The following POLN variants were observed in gnomAD, a reference collection of about 807,000 sequenced individuals.
POLN encodes DNA polymerase nu, also known as DNA polymerase N.
POLN carries 108 observed loss-of-function variants against 113.5 expected under a neutral mutation model. The observed-to-expected ratio is 0.95, with a 90% CI of 0.81 to 1.12. The LOEUF is 1.12. Among genes scored for constraint, POLN ranks in the 50% most tolerant of loss-of-function variants. POLN has a pLI of 0.00. For synonymous variants in POLN, 386 were observed against 391.5 expected (o/e 0.99, Z 0.17); for missense variants, 1,097 against 1,077.1 (o/e 1.02, Z -0.26).
rs80087113 is a variant in POLN at position 2,134,104 on chromosome 4, G to A, written c.1732-2814C>T. On this transcript the variant is annotated intron_variant, in intron 16 of 25. Transcript: ENST00000511885. ...CCAAAATGTCACATAATTTGGAATC[G>A]TGTGGTATGTAGCCTTTCCAGATTG... 3.1e-3 allele frequency among the ~76,000 whole-genome samples: 471 copies of A among 152,266 alleles called. 2 individuals carry two copies. The highest frequency in any genetic ancestry group is 0.011 in the African/African-American group (442 of 41,534).
intron 16 of POLN, among the ~76,000 whole-genome samples, chr4:2,152,046 T>G (rs893798929): frequency 6.6e-6 from 1 of 151,598 alleles, no homozygotes; most frequent in Non-Finnish European, 1.5e-5. Context: ...TCTTTTTTTT[T>G]TTTTGAGGTG....
Position 2,093,983 on chromosome 4 carries a change from C to T in POLN, c.2065+1868G>A, listed in dbSNP as rs1730722917. 6.6e-6 allele frequency among the ~76,000 whole-genome samples: 1 copy of T among 152,084 alleles called. No homozygotes were observed. The highest frequency in any genetic ancestry group is 2.1e-4 in the South Asian group (1 of 4,826). ...GCTGGGGCATGAGACCATGAACAGGCGAGTGGGTGCCCAAGGTGTGAGGCC... is the reference window on the plus strand; with the variant it reads ...GCTGGGGCATGAGACCATGAACAGGTGAGTGGGTGCCCAAGGTGTGAGGCC... On this transcript the variant is annotated intron_variant, in intron 20 of 25. Coordinates refer to ENST00000511885, the MANE Select transcript of POLN (RefSeq NM_181808.4). This position sits in a 1 kb window ranked among gnomAD's most constrained non-coding sequence, Gnocchi z 4.1.
At chr4:2,238,206 T>C (rs942096502) in intron 2 of POLN, among the ~76,000 whole-genome samples, 1 of 152,096 alleles carries the variant, frequency 6.6e-6, no homozygotes, top group Non-Finnish European at 1.5e-5. Flanking sequence ...CACACAAAAA[T>C]GAAGTCTTCT....
At chr4:2,092,438 C>T (rs900592212) in intron 20 of POLN, among the ~76,000 whole-genome samples, 5 of 152,214 alleles carry the variant, frequency 3.3e-5, no homozygotes, top group African/African-American at 7.2e-5. Context: ...CATTTGAATT[C>T]AGTTGACTGA....
chr4:2,075,794 A>T (rs1471068481), intron 23 of POLN, among the ~76,000 whole-genome samples: 1 of 152,192 alleles, frequency 6.6e-6, no homozygotes, highest in Non-Finnish European at 1.5e-5. Flanking sequence ...AAGGGGCAAT[A>T]GGGAGACAGG....
chr4:2,092,157 C>G (rs1057007766), intron 20 of POLN, among the ~76,000 whole-genome samples: 2 of 152,204 alleles, frequency 1.3e-5, no homozygotes, highest in Non-Finnish European at 2.9e-5. Flanking sequence ...CAGGCCTCCT[C>G]CCGTGTCTCC....
At chr4:2,240,188 T>C in intron 2 of POLN, 1 of 1,614,094 alleles carries the variant, frequency 6.2e-7, no homozygotes, top group Non-Finnish European at 8.5e-7. Flanking sequence ...CCTCAAGGAT[T>C]TCTTGATTAT....
At position 2,126,716 on chromosome 4, in the gene POLN, G is replaced by A. The variant is rs1048144035; in HGVS notation, c.1982+1397C>T. ...GAGGAGACGCCGGGAGGGCCCACTT[G>A]GATGAGGTAGGGGAGGGAGACACAC... On this transcript the variant is annotated intron_variant, in intron 19 of 25. Transcript: ENST00000511885. This position sits in a 1 kb window ranked among gnomAD's most constrained non-coding sequence, Gnocchi z 4.6. Among the ~76,000 whole-genome samples the A allele has an allele frequency of 2.6e-5, 4 of 152,248 alleles. No homozygotes were observed. The South Asian group carries it at 6.2e-4, about 24-fold the overall frequency.
At position 2,176,268 on chromosome 4, in the gene POLN, T is replaced by C. The variant is rs1381442407; in HGVS notation, c.1246A>G (p.Lys416Glu). Residue 416 changes from lysine (K) to glutamate (E), a missense_variant and splice_region_variant, in exon 9 of 26, where the codon AAG becomes GAG. Physicochemically the swap from Lys to Glu is moderately conservative, Grantham distance 56. Coordinates refer to ENST00000511885, the MANE Select transcript of POLN (RefSeq NM_181808.4). Reference sequence around the variant, plus strand: ...GAAATTATAATAAAATGCCTTGCCTTCAGTTTAGAGCAAAGGTCCATTGTA... The same window carrying C: ...GAAATTATAATAAAATGCCTTGCCTCCAGTTTAGAGCAAAGGTCCATTGTA... ...RLTMDLCSKLKDYGLWQLFRT... is the reference protein window; with the variant it reads ...RLTMDLCSKLEDYGLWQLFRT... 4 of 1,605,014 alleles carry C rather than the reference T, an allele frequency of 2.5e-6. No individual in the cohort carries two copies. In the Admixed American group the frequency reaches 6.8e-5, roughly 27 times the overall value.
At chr4:2,232,587 T>C (rs555662786) in intron 2 of POLN, among the ~76,000 whole-genome samples, 2 of 152,326 alleles carry the variant, frequency 1.3e-5, no homozygotes, top group Non-Finnish European at 2.9e-5. Context: ...ACAGAGAAAG[T>C]TGAAATGAAG....
chr4:2,159,545 G>C (rs192261447), intron 13 of POLN, among the ~76,000 whole-genome samples: 1 of 152,206 alleles, frequency 6.6e-6, no homozygotes, highest in African/African-American at 2.4e-5. Context: ...ATTTCAGGGA[G>C]GGAGTAATGG....
At chr4:2,185,018 CA>C (rs1414146271) in intron 7 of POLN, among the ~76,000 whole-genome samples, 1 of 151,832 alleles carries the variant, frequency 6.6e-6, no homozygotes, top group African/African-American at 2.4e-5. Flanking sequence ...TTAGGGTAAC[CA>C]AATAGATGAT....
At chr4:2,169,370 T>C (rs544502895) in intron 13 of POLN, among the ~76,000 whole-genome samples, 5 of 152,250 alleles carry the variant, frequency 3.3e-5, no homozygotes, top group Admixed American at 1.3e-4. Flanking sequence ...AGGTCTATGG[T>C]AGAGACGGGG....
At chr4:2,083,967 A>C (rs1282762111) in intron 21 of POLN, among the ~76,000 whole-genome samples, 4 of 152,214 alleles carry the variant, frequency 2.6e-5, no homozygotes, top group Non-Finnish European at 5.9e-5. Flanking sequence ...CGTCAGAGTG[A>C]GTCTGCTCCA....
chr4:2,153,497 G>A (rs1268849633), intron 16 of POLN, among the ~76,000 whole-genome samples: 4 of 152,102 alleles, frequency 2.6e-5, no homozygotes, highest in Admixed American at 2.0e-4. Context: ...TGGCTATTGC[G>A]GGGATATGGA....
At chr4:2,183,877 GTTC>G (rs1161506289) in intron 7 of POLN, among the ~76,000 whole-genome samples, 1 of 143,946 alleles carries the variant, frequency 6.9e-6, no homozygotes, top group African/African-American at 2.8e-5. Context: ...TTTACAAGGT[GTTC>G]TTTTTTTCTT....
chr4:2,143,103 C>T (rs1303875665), intron 16 of POLN, among the ~76,000 whole-genome samples: 1 of 151,692 alleles, frequency 6.6e-6, no homozygotes, highest in East Asian at 1.9e-4. Flanking sequence ...AAATTTATAG[C>T]ACTAAAAATG....
At chr4:2,175,056 TC>T (rs1048064172) in intron 9 of POLN, among the ~76,000 whole-genome samples, 5 of 152,120 alleles carry the variant, frequency 3.3e-5, no homozygotes, top group African/African-American at 1.2e-4. Flanking sequence ...ACTCCTGACC[TC>T]AAGTGATCTG....
chr4:2,201,739 C>T (rs568242077), intron 5 of POLN, among the ~76,000 whole-genome samples: 2 of 152,240 alleles, frequency 1.3e-5, no homozygotes, highest in African/African-American at 4.8e-5. Context: ...ATTGACTAGG[C>T]ACATTGTCAT....
Sources: gnomAD v4.1 joint callset for allele counts (sites outside exome capture counted in the v4.1 genomes callset) on GRCh38, gnomAD v4.1.1 for gene constraint, Gnocchi (gnomAD v3.1) non-coding constraint, MANE v1.5 for transcripts, NCBI Gene and HGNC (gene_info 2026-07-23, HGNC 2026-07-21) for gene names.